FAF1: variants seen among roughly 807,000 people sequenced by gnomAD.
The protein encoded by FAF1 is Fas associated factor 1, also known as FAS-associated factor 1.
FAF1 carries 25 observed loss-of-function variants against 92.5 expected under a neutral mutation model. That is an observed-to-expected ratio of 0.27 (90% confidence interval 0.20 to 0.38). FAF1 has a LOEUF of 0.38. FAF1 is among the 10% of genes least tolerant of loss of function. FAF1 has a pLI of 1.00. For synonymous variants in FAF1, 234 were observed against 273.2 expected, an observed-to-expected ratio of 0.86 and a Z score of 1.42; for missense variants, 636 against 793.3, an observed-to-expected ratio of 0.80 and a Z score of 2.38.
At chr1:50,536,195 T>C (rs1179405954) in intron 14 of FAF1, among the ~76,000 whole-genome samples, 2 of 152,248 alleles carry the variant, frequency 1.3e-5, no homozygotes, top group Non-Finnish European at 2.9e-5. Flanking sequence ...GAAGGTATTT[T>C]TAATGTTTGA....
At chr1:50,530,808 C>A (rs560351412) in intron 15 of FAF1, among the ~76,000 whole-genome samples, 1 of 152,184 alleles carries the variant, frequency 6.6e-6, no homozygotes, top group East Asian at 1.9e-4. Flanking sequence ...ACAAGAACAA[C>A]AACAACAAAA....
At chr1:50,864,017 G>A (rs557620333) in intron 1 of FAF1, among the ~76,000 whole-genome samples, 37 of 151,918 alleles carry the variant, frequency 2.4e-4, no homozygotes, top group African/African-American at 7.5e-4. Context: ...TTCTCTGATC[G>A]TAGTTTGTAT....
At chr1:50,907,004 T>C (rs1312083764) in intron 1 of FAF1, among the ~76,000 whole-genome samples, 3 of 152,200 alleles carry the variant, frequency 2.0e-5, no homozygotes, top group East Asian at 1.9e-4. Context: ...CAGTATGATA[T>C]TGGCTGTGGG....
intron 4 of FAF1, among the ~76,000 whole-genome samples, chr1:50,754,683 T>C (rs1217277585): frequency 1.3e-5 from 2 of 152,182 alleles, no homozygotes; most frequent in Non-Finnish European, 2.9e-5. Flanking sequence ...TGATATGCCA[T>C]GTGTATTAGT....
chr1:50,572,205 G>C (rs1009197949), intron 12 of FAF1, among the ~76,000 whole-genome samples: 33 of 151,986 alleles, frequency 2.2e-4, no homozygotes, highest in African/African-American at 7.7e-4. Context: ...TCTTCACCTA[G>C]ATTTACCAAT....
intron 13 of FAF1, among the ~76,000 whole-genome samples, chr1:50,541,414 C>T (rs1209995051): frequency 6.6e-6 from 1 of 152,090 alleles, no homozygotes; most frequent in Non-Finnish European, 1.5e-5. Context: ...CTCAAGCAGC[C>T]TAACCTTCTA....
chr1:50,904,397 T>C (rs1365889463), intron 1 of FAF1, among the ~76,000 whole-genome samples: 1 of 151,606 alleles, frequency 6.6e-6, no homozygotes, highest in Non-Finnish European at 1.5e-5. Flanking sequence ...TGGCAAGGAG[T>C]TTCAGTTTGA....
chr1:50,793,371 C>G (rs1661632916), intron 3 of FAF1, among the ~76,000 whole-genome samples: 1 of 152,136 alleles, frequency 6.6e-6, no homozygotes, highest in Admixed American at 6.6e-5. Context: ...GATGCTAACT[C>G]TAAAATGATG....
intron 15 of FAF1, among the ~76,000 whole-genome samples, chr1:50,512,055 C>T (rs1465457270): frequency 6.6e-6 from 1 of 152,106 alleles, no homozygotes; most frequent in Non-Finnish European, 1.5e-5. Context: ...TGAGAAGTGT[C>T]TGTTCATATC....
intron 1 of FAF1, among the ~76,000 whole-genome samples, chr1:50,900,452 T>C (rs1429794654): frequency 6.6e-6 from 1 of 152,196 alleles, no homozygotes; most frequent in East Asian, 1.9e-4. Context: ...GATGGATTGA[T>C]GGACAGATGG....
In FAF1 at chr1:50,437,722, A is replaced by G. The variant is rs983946939; in HGVS notation, c.*3718T>C. On this transcript the variant is annotated 3_prime_UTR_variant, in exon 19 of 19. Transcript: ENST00000396153. ...AGGATTCCAAGATCCGTTCTTGAAT[A>G]TAAAATTTAGAGATTCTTGGCCGGG... 6.6e-6 allele frequency: 1 copy of G among 152,074 alleles called. No homozygotes were observed. Among genetic ancestry groups the G allele is most frequent in the Non-Finnish European group, 1.5e-5 (1 of 68,016 alleles). 9.4% of individuals were successfully genotyped at this position (152,074 alleles called of 1,614,324 possible). A position where few individuals can be genotyped will look rare whatever the true frequency, so the allele number is the denominator to read the frequency against.
chr1:50,595,152 T>C (rs1219500463), intron 9 of FAF1, among the ~76,000 whole-genome samples: 1 of 151,994 alleles, frequency 6.6e-6, no homozygotes, highest in East Asian at 2.0e-4. Flanking sequence ...CCTCTTGGGT[T>C]CAAGTGATTC....
chr1:50,495,694 C>T (rs1646889761), intron 15 of FAF1, among the ~76,000 whole-genome samples: 1 of 152,198 alleles, frequency 6.6e-6, no homozygotes, highest in African/African-American at 2.4e-5. Flanking sequence ...ACACTGTTCT[C>T]CATGGTGATT....
chr1:50,790,545 TAA>T, intron 3 of FAF1, among the ~76,000 whole-genome samples: 1 of 152,124 alleles, frequency 6.6e-6, no homozygotes, highest in Non-Finnish European at 1.5e-5. Context: ...ATAATTATTT[TAA>T]AATTTGACTT....
chr1:50,926,682 C>A (rs901379783), intron 1 of FAF1, among the ~76,000 whole-genome samples: 1 of 151,880 alleles, frequency 6.6e-6, no homozygotes, highest in Admixed American at 6.6e-5. Context: ...CAGTTGTATC[C>A]CATAAGTATA....
intron 5 of FAF1, among the ~76,000 whole-genome samples, chr1:50,739,693 G>A (rs1253783485): frequency 2.6e-5 from 4 of 152,236 alleles, no homozygotes; most frequent in East Asian, 3.9e-4. Flanking sequence ...TCAAGCCAAC[G>A]ATTTTATAGA....
intron 8 of FAF1, among the ~76,000 whole-genome samples, chr1:50,633,704 G>T (rs893163878): frequency 2.0e-5 from 3 of 152,196 alleles, no homozygotes; most frequent in Non-Finnish European, 4.4e-5. Context: ...GCCTCTCAGA[G>T]ATTGACTGCA....
At chr1:50,618,752 C>CTT (rs1259518339) in intron 8 of FAF1, among the ~76,000 whole-genome samples, 7 of 140,518 alleles carry the variant, frequency 5.0e-5, no homozygotes, top group Non-Finnish European at 1.1e-4. Context: ...GCAAAGCTTG[C>CTT]TTTTTTTTTT....
chr1:50,451,204 AAAAAT>A (rs1646290015), intron 18 of FAF1, among the ~76,000 whole-genome samples: 1 of 152,240 alleles, frequency 6.6e-6, no homozygotes, highest in African/African-American at 2.4e-5. Context: ...AGAATGAAAG[AAAAAT>A]TAAAGGAAGA....
Sources: gnomAD v4.1 joint callset for allele counts (sites outside exome capture counted in the v4.1 genomes callset) on GRCh38, gnomAD v4.1.1 for gene constraint, MANE v1.5 for transcripts, NCBI Gene and HGNC (gene_info 2026-07-23, HGNC 2026-07-21) for gene names.